Variants in POLR2E observed in about 807,000 individuals in gnomAD.
The protein encoded by POLR2E is RNA polymerase II, I and III subunit E.
A neutral mutation model predicts 29.8 loss-of-function variants in POLR2E; 35 were observed. The observed-to-expected ratio is 1.17, with a 90% CI of 0.90 to 1.55. The LOEUF (loss-of-function observed/expected upper bound fraction) is 1.55, where lower values mean the gene tolerates loss of function less well. Ranked by LOEUF, POLR2E falls within the 40% of genes most tolerant of loss-of-function variation. The pLI is 0.00. For synonymous variants in POLR2E, 174 were observed against 112.6 expected, an observed-to-expected ratio of 1.55 and a Z score of -3.45; for missense variants, 287 against 288.6, an observed-to-expected ratio of 0.99 and a Z score of 0.04.
chr19:1,095,237 C>G (rs2043915800), intron 1 of POLR2E, 22 bp downstream of exon 1: 1 of 1,611,882 alleles, frequency 6.2e-7, no homozygotes, highest in Non-Finnish European at 8.5e-7. Context: ...CGCCCCCGCC[C>G]CCAACACCAG....
Position 1,090,110 on chromosome 19 carries a change from C to G in POLR2E, c.465G>C (p.Glu155Asp), listed in dbSNP as rs1381438320. The G allele has an allele frequency of 6.2e-7, 1 of 1,612,664 alleles. No homozygotes were observed. The highest frequency in any genetic ancestry group is 2.2e-5 in the East Asian group (1 of 44,880). ...ACTATCGGGCCAGCAGCTCTGTCAC[C>G]TCCTCCTTGGTCATGACGACGTGCT... ...VPEHVVMTKEEVTELLARYKL... is the reference protein window; with the variant it reads ...VPEHVVMTKEDVTELLARYKL... The change falls in exon 5 of 8, where the codon GAG becomes GAC. Residue 155 changes from glutamate to aspartate, a missense_variant. By Grantham distance (45) the Glu-to-Asp change is conservative (BLOSUM62 2). Coordinates refer to ENST00000615234, the MANE Select transcript of POLR2E (RefSeq NM_002695.5).
At chr19:1,089,371 T>G (rs2145132495) in intron 7 of POLR2E, 101 bp downstream of exon 7, 1 of 776,486 alleles carries the variant, frequency 1.3e-6, no homozygotes, top group Non-Finnish European at 2.1e-6. Context: ...GCTAGGAGGG[T>G]CTTGCTGCCG....
intron 1 of POLR2E, chr19:1,094,310 C>CCGT (rs1377878335): frequency 2.0e-6 from 1 of 489,984 alleles, no homozygotes; most frequent in African/African-American, 2.0e-5. Context: ...TTGACCAAGA[C>CCGT]CGTCTGTCCA....
rs759885049 is a variant in POLR2E at position 1,090,161 on chromosome 19, G to C, written c.430-16C>G. On this transcript the variant is annotated splice_polypyrimidine_tract_variant and intron_variant, in intron 4 of 7. Coordinates refer to ENST00000615234, the MANE Select transcript of POLR2E (RefSeq NM_002695.5). The stretch of plus-strand genomic sequence containing the variant: ...CAGGGACTAGCTGCCGAGAGAGGAA[G>C]CCACCAGGCATCACCAAGGGCTGGT... 9 of 1,611,844 alleles carry C rather than the reference G, an allele frequency of 5.6e-6. No homozygotes were observed. The South Asian group carries it at 9.9e-5, about 18-fold the overall frequency.
intron 6 of POLR2E, 144 bp downstream of exon 6, chr19:1,089,740 G>A: frequency 2.5e-6 from 2 of 804,758 alleles, no homozygotes; most frequent in Non-Finnish European, 2.0e-6. Flanking sequence ...CTGGCTTTAA[G>A]AGGGGGATAT....
In POLR2E at chr19:1,089,918, G is replaced by C. The variant is rs1416603100; in HGVS notation, c.533C>G (p.Pro178Arg). Residue 178 changes from proline (P) to arginine (R), a missense_variant, in exon 6 of 8, where the codon CCT becomes CGT. Transcript: ENST00000615234. ...NQLPRIQAGDPVARYFGIKRG... is the reference protein window; with the variant it reads ...NQLPRIQAGDRVARYFGIKRG... ...CTTTATCCCAAAGTAGCGCGCCACA[G>C]GGTCCCCCGCCTGGATCCTGGGCAG... 1.9e-6 allele frequency: 3 copies of C among 1,612,966 alleles called. No individual in the cohort carries two copies. In the South Asian group the frequency reaches 3.3e-5, roughly 18 times the overall value.
At chr19:1,095,050 G>T in intron 1 of POLR2E, 1 of 426,722 alleles carries the variant, frequency 2.3e-6, no homozygotes, top group Non-Finnish European at 4.2e-6. Flanking sequence ...ACCGCACCCA[G>T]ACGTCTCGAA....
In POLR2E at chr19:1,095,259, C is replaced by T; in HGVS notation, c.57G>A (p.Gln19=). The change falls in exon 1 of 8, where the codon CAG becomes CAA. Residue 19 remains glutamine, a splice_region_variant and synonymous_variant. Transcript: ENST00000615234. ...RLWKIRKTIM[Q]LCHDRGYLVT... ...GCCCCCAACACCAGGCGCGGCTCAC[C>T]TGCATGATGGTCTTGCGGATTTTCC... 1 of 1,613,162 alleles carries T rather than the reference C, an allele frequency of 6.2e-7. No homozygotes were observed. Among genetic ancestry groups the T allele is most frequent in the Non-Finnish European group, 8.5e-7 (1 of 1,179,732 alleles).
In POLR2E at chr19:1,086,806, G is replaced by A. The variant is rs1454894450; in HGVS notation, c.*1929C>T. The A allele has an allele frequency of 3.9e-5, 6 of 152,130 alleles. No individual in the cohort carries two copies. The highest frequency in any genetic ancestry group is 1.4e-4 in the African/African-American group (6 of 41,392). The allele number at this position is 152,130 out of a possible 1,614,324, so 9.4% of individuals were successfully genotyped here. ...GGGGCCCCGCGAGGTGGGAGCCCGG[G>A]TGGTCTTCACCACAGGCTGTGCAGA... On this transcript the variant is annotated 3_prime_UTR_variant, in exon 8 of 8. Transcript: ENST00000615234.
At position 1,094,077 on chromosome 19, in the gene POLR2E, A is replaced by G; in HGVS notation, c.59T>C (p.Leu20Pro). ...CACCAGATAGCCACGGTCGTGGCAC[A>G]GCTGCAGAGAGAAAGAACCAGCTGA... is the stretch of plus-strand genomic sequence containing the variant. ...LWKIRKTIMQ[L>P]CHDRGYLVTQ... is the part of the protein sequence containing the mutation. Residue 20 changes from leucine to proline, a missense_variant and splice_region_variant, in exon 2 of 8, where the codon CTG (leucine) becomes CCG (proline). Coordinates refer to ENST00000615234, the MANE Select transcript of POLR2E (RefSeq NM_002695.5). 1 of 1,605,492 alleles carries G rather than the reference A, an allele frequency of 6.2e-7. No homozygotes were observed.
intron 1 of POLR2E, chr19:1,094,856 C>T: frequency 9.4e-6 from 2 of 211,966 alleles, no homozygotes; most frequent in Non-Finnish European, 1.9e-5. Flanking sequence ...GCTTCCCAAC[C>T]ACCAACTCTG....
Position 1,088,319 on chromosome 19 carries a change from C to T in POLR2E, c.*416G>A, listed in dbSNP as rs6844. 0.25 allele frequency: 38,131 copies of T among 152,170 alleles called. 5,275 individuals are homozygous for T. Among genetic ancestry groups the T allele is most frequent in the African/African-American group, 0.36 (15,030 of 41,444 alleles). 9.4% of individuals were successfully genotyped at this position (152,170 alleles called of 1,614,324 possible). A position where few individuals can be genotyped will look rare whatever the true frequency, so the allele number is the denominator to read the frequency against. On this transcript the variant is annotated 3_prime_UTR_variant, in exon 8 of 8. Coordinates refer to ENST00000615234, the MANE Select transcript of POLR2E (RefSeq NM_002695.5). Reference sequence around the variant, plus strand: ...AATGGAGTAAAGAGCCGAGGCCGGGCGGGGGCCGCCACGCATCAGGGCCCC... The same window carrying T: ...AATGGAGTAAAGAGCCGAGGCCGGGTGGGGGCCGCCACGCATCAGGGCCCC...
intron 2 of POLR2E, among the ~76,000 whole-genome samples, chr19:1,092,678 ACT>A (rs1377088462): frequency 4.0e-5 from 6 of 151,788 alleles, no homozygotes; most frequent in Admixed American, 3.9e-4. Flanking sequence ...ACAGAGCAAG[ACT>A]CTGTCTCAAA....
chr19:1,088,922 G>A (rs769711394), intron 7 of POLR2E, among the ~76,000 whole-genome samples: 18 of 152,160 alleles, frequency 1.2e-4, no homozygotes, highest in Non-Finnish European at 1.8e-4. Context: ...CCGTGCCAGC[G>A]TCAGACCAGG....
intron 4 of POLR2E, among the ~76,000 whole-genome samples, 187 bp downstream of exon 4, chr19:1,090,721 A>T (rs562674660): frequency 6.6e-6 from 1 of 151,918 alleles, no homozygotes; most frequent in Admixed American, 6.5e-5. Context: ...CCCGGCCGGG[A>T]TCTGCATTTC....
chr19:1,093,919 A>G lies in POLR2E; in HGVS notation c.217T>C (p.Phe73Leu), dbSNP rs766305951. The G allele has an allele frequency of 6.2e-7, 1 of 1,602,060 alleles. No individual in the cohort carries two copies. The highest frequency in any genetic ancestry group is 1.7e-5 in the Admixed American group (1 of 58,380). ...CGCTGCTCACCTGGAAAGAACACAA[A>G]CATCTGGTCGGTGGGGTCATCGTTG... Reference protein sequence around the residue: ...AHNDDPTDQMFVFFPEEPKVG... With the variant: ...AHNDDPTDQMLVFFPEEPKVG... The change falls in exon 2 of 8, where the codon TTT becomes CTT. Residue 73 changes from phenylalanine to leucine, a missense_variant. Physicochemically the swap from Phe to Leu is conservative, Grantham distance 22. Transcript: ENST00000615234.
rs202067120 is a variant in POLR2E at position 1,089,999 on chromosome 19, G to T, written c.489-37C>A. On this transcript the variant is annotated intron_variant, in intron 5 of 7. Coordinates refer to ENST00000615234, the MANE Select transcript of POLR2E (RefSeq NM_002695.5). ...CGTCAGGAAAATGCCAGACAGGGCC[G>T]TTGGGGGGGCAGGGGTGTGTGTGGG... 10 of 1,485,882 alleles carry T rather than the reference G, an allele frequency of 6.7e-6. No individual in the cohort carries two copies. In the African/African-American group the frequency reaches 1.2e-4, roughly 18 times the overall value. 92.0% of individuals were successfully genotyped at this position (1,485,882 alleles called of 1,614,324 possible).
chr19:1,094,326 C>G (rs1371098304), intron 1 of POLR2E: 1 of 467,980 alleles, frequency 2.1e-6, no homozygotes, highest in African/African-American at 2.0e-5. Context: ...GTCCACCCAG[C>G]CTCACAGAAA....
At chr19:1,090,460 A>AATTT (rs2043805546) in intron 4 of POLR2E, among the ~76,000 whole-genome samples, 1 of 90,450 alleles carries the variant, frequency 1.1e-5, no homozygotes, top group Non-Finnish European at 2.1e-5. Flanking sequence ...CGGGATCTGC[A>AATTT]TTTTTTTTTT....
Sources: allele counts gnomAD v4.1 joint callset (sites outside exome capture counted in the v4.1 genomes callset), GRCh38; gene constraint gnomAD v4.1.1; transcripts MANE v1.5; gene names NCBI Gene and HGNC (gene_info 2026-07-23, HGNC 2026-07-21).